The following PHACTR2 variants were observed in gnomAD, a reference collection of about 807,000 sequenced individuals.
PHACTR2 encodes phosphatase and actin regulator 2, also known as chromosome 6 open reading frame 56.
Under a neutral mutation model 76.0 loss-of-function variants are expected in PHACTR2, and 30 were observed. The ratio of observed to expected loss-of-function variants is 0.39; its 90% CI spans 0.30 to 0.54. The LOEUF (loss-of-function observed/expected upper bound fraction) is 0.54. Among genes scored for constraint, PHACTR2 ranks in the 20% least tolerant of loss-of-function variants. PHACTR2 has a pLI of 0.61. For missense variants in PHACTR2, 696 were observed against 781.1 expected (o/e 0.89, Z 1.30); for synonymous variants, 292 against 292.5 (o/e 1.00, Z 0.02).
rs1269164999 is a variant in PHACTR2 at position 143,656,364 on chromosome 6, T to C, written c.13+48042T>C. Among the ~76,000 whole-genome samples, 3 of 152,146 alleles carry C rather than the reference T, an allele frequency of 2.0e-5. No individual in the cohort carries two copies. Among genetic ancestry groups the C allele is most frequent in the Non-Finnish European group, 2.9e-5 (2 of 68,018 alleles). ...AATCTTTTGGCTTCCCTGGGCCACA[T>C]TGGAAGTAGAATTGTCTTGGGCCAC... is the stretch of plus-strand genomic sequence containing the variant. On this transcript the variant is annotated intron_variant, in intron 1 of 11. Coordinates refer to the PHACTR2 transcript ENST00000305766. This position sits in a 1 kb window ranked among gnomAD's most constrained non-coding sequence, Gnocchi z 5.3.
chr6:143,725,381 T>C lies in PHACTR2; in HGVS notation c.214+13198T>C, dbSNP rs561089641. Among the ~76,000 whole-genome samples, 1,329 of 150,842 alleles carry C rather than the reference T, an allele frequency of 8.8e-3. 27 individuals are homozygous for C. Among genetic ancestry groups the C allele is most frequent in the African/African-American group, 0.031 (1,257 of 41,146 alleles). ...ATACCCGGCTAATTTTTTGTATTTT[T>C]AGTAGAGACGGGGTTTCACCATGTT... is the stretch of plus-strand genomic sequence containing the variant. On this transcript the variant is annotated intron_variant, in intron 2 of 12. Coordinates refer to ENST00000440869, the MANE Select transcript of PHACTR2 (RefSeq NM_001100164.2).
chr6:143,572,599 T>G (rs941439788), intron 1 of PHACTR2, among the ~76,000 whole-genome samples: 2 of 152,178 alleles, frequency 1.3e-5, no homozygotes, highest in Non-Finnish European at 2.9e-5. Context: ...TTGCCCCAGG[T>G]TGGAGTGCAG....
chr6:143,553,624 G>A lies in PHACTR2; in HGVS notation c.217+16417G>A, dbSNP rs1775123874. ...AGTTAAGGTCATTCTAGAGATGCAG[G>A]CCTTGAGCTGTTAGAAACTGTATTC... is the stretch of plus-strand genomic sequence containing the variant. On this transcript the variant is annotated intron_variant, in intron 1 of 11. Transcript: ENST00000367584. This position sits in a 1 kb window ranked among gnomAD's most constrained non-coding sequence, Gnocchi z 4.2. Among the ~76,000 whole-genome samples, 1 of 152,194 alleles carries A rather than the reference G, an allele frequency of 6.6e-6. No homozygotes were observed. The highest frequency in any genetic ancestry group is 1.5e-5 in the Non-Finnish European group (1 of 68,046).
At position 143,765,514 on chromosome 6, in the gene PHACTR2, C is replaced by T. The variant is rs551843716; in HGVS notation, c.948C>T (p.Leu316=). The change falls in exon 6 of 13, where the codon CTC becomes CTT. Residue 316 remains leucine, a synonymous_variant. Coordinates refer to ENST00000440869, the MANE Select transcript of PHACTR2 (RefSeq NM_001100164.2). This position sits in a 1 kb window ranked among gnomAD's most constrained non-coding sequence, Gnocchi z 4.1. ...PAETRVESFK[L]EQTVPGAEEQ... ...AGACCAGAGTGGAGAGTTTCAAACT[C>T]GAACAGACTGTCCCTGGAGCTGAGG... The T allele has an allele frequency of 1.1e-5, 17 of 1,614,208 alleles. No individual in the cohort carries two copies. Among genetic ancestry groups the T allele is most frequent in the African/African-American group, 8.0e-5 (6 of 75,038 alleles).
rs1206121142 is a variant in PHACTR2 at position 143,580,212 on chromosome 6, G to T, written c.217+43005G>T. ...GAAGGGAGTCAACTTGGGGCCGGGC[G>T]CAGTGGCTCACTCCTGTAATCCCAG... On this transcript the variant is annotated intron_variant, in intron 1 of 11. Coordinates refer to the PHACTR2 transcript ENST00000367584. This position sits in a 1 kb window ranked among gnomAD's most constrained non-coding sequence, Gnocchi z 4.2. Among the ~76,000 whole-genome samples the T allele has an allele frequency of 6.6e-6, 1 of 152,156 alleles. No homozygotes were observed. Among genetic ancestry groups the T allele is most frequent in the Non-Finnish European group, 1.5e-5 (1 of 68,022 alleles).
At chr6:143,566,660 C>T (rs1461845243) in intron 1 of PHACTR2, among the ~76,000 whole-genome samples, 1 of 151,978 alleles carries the variant, frequency 6.6e-6, no homozygotes. Context: ...CTAATGATCC[C>T]TCATGCACAT....
At position 143,679,162 on chromosome 6, in the gene PHACTR2, T is replaced by A. The variant is rs149049698; in HGVS notation, c.46+953T>A. Among the ~76,000 whole-genome samples, 1 of 152,318 alleles carries A rather than the reference T, an allele frequency of 6.6e-6. No homozygotes were observed. Among genetic ancestry groups the A allele is most frequent in the African/African-American group, 2.4e-5 (1 of 41,562 alleles). On this transcript the variant is annotated intron_variant, in intron 1 of 12. Transcript: ENST00000440869. This position sits in a 1 kb window ranked among gnomAD's most constrained non-coding sequence, Gnocchi z 4.6. ...TGACAGGGTACAGAGGAAGGTTTTTTAATCTGCCTCAGGATGTCTAGCTAG... is the reference window on the plus strand; with the variant it reads ...TGACAGGGTACAGAGGAAGGTTTTTAAATCTGCCTCAGGATGTCTAGCTAG...
rs752736420 is a variant in PHACTR2, at chr6:143,765,393, A to G, written c.827A>G (p.Lys276Arg). 6.2e-7 allele frequency: 1 copy of G among 1,614,240 alleles called. No homozygotes were observed. The highest frequency in any genetic ancestry group is 1.1e-5 in the South Asian group (1 of 91,086). The change falls in exon 6 of 13, where the codon AAG becomes AGG. Residue 276 changes from lysine to arginine, a missense_variant. Physicochemically the swap from Lys to Arg is conservative, Grantham distance 26 (BLOSUM62 2). Around this residue, in one of 2 missense-constraint regions of PHACTR2, gnomAD observed 460 missense variants for 450.9 expected, o/e 1.02. Coordinates refer to ENST00000440869, the MANE Select transcript of PHACTR2 (RefSeq NM_001100164.2). The surrounding 1 kb of genome is among the most constrained non-coding windows in gnomAD (Gnocchi z 4.1). ...AAAGCAGGGACAGTGGGGACCACCA[A>G]GGGCAAGAGAAAAACTGACAAGCAG... Reference protein sequence around the residue: ...SSKAGTVGTTKGKRKTDKQPI... With the variant: ...SSKAGTVGTTRGKRKTDKQPI...
At position 143,678,657 on chromosome 6, in the gene PHACTR2, C is replaced by T. The variant is rs185425108; in HGVS notation, c.46+448C>T. ...TATGGTTTGTTATTCGGAGTAGAAGCGCTGATCGCCTTATCCTGGCAGACG... is the reference window on the plus strand; with the variant it reads ...TATGGTTTGTTATTCGGAGTAGAAGTGCTGATCGCCTTATCCTGGCAGACG... On this transcript the variant is annotated intron_variant, in intron 1 of 12. Coordinates refer to ENST00000440869, the MANE Select transcript of PHACTR2 (RefSeq NM_001100164.2). This position sits in a 1 kb window ranked among gnomAD's most constrained non-coding sequence, Gnocchi z 6.2. 2.0e-5 allele frequency among the ~76,000 whole-genome samples: 3 copies of T among 152,284 alleles called. No individual in the cohort carries two copies. The highest frequency in any genetic ancestry group is 2.9e-5 in the Non-Finnish European group (2 of 68,018).
At position 143,806,303 on chromosome 6, in the gene PHACTR2, C is replaced by G. The variant is rs1776063051; in HGVS notation, c.1846-754C>G. Among the ~76,000 whole-genome samples the G allele has an allele frequency of 6.6e-6, 1 of 152,128 alleles. No individual in the cohort carries two copies. The highest frequency in any genetic ancestry group is 1.5e-5 in the Non-Finnish European group (1 of 68,014). ...TCTATTTGATATTTTCTTTGGGTAG[C>G]TTTAAGGATTATGCTGAAATTATAA... On this transcript the variant is annotated intron_variant, in intron 11 of 12. Transcript: ENST00000440869. This position sits in a 1 kb window ranked among gnomAD's most constrained non-coding sequence, Gnocchi z 5.8.
At chr6:143,634,959 G>A (rs1276814701) in intron 1 of PHACTR2, among the ~76,000 whole-genome samples, 2 of 152,006 alleles carry the variant, frequency 1.3e-5, no homozygotes, top group Non-Finnish European at 2.9e-5. Context: ...TAGATAGCCT[G>A]AGGAACTGAA....
rs1349458746 is a variant in PHACTR2, at chr6:143,761,252, TG to T, written c.694+613del. Among the ~76,000 whole-genome samples, 1 of 152,184 alleles carries T rather than the reference TG, an allele frequency of 6.6e-6. No homozygotes were observed. Among genetic ancestry groups the T allele is most frequent in the Non-Finnish European group, 1.5e-5 (1 of 68,024 alleles). On this transcript the variant is annotated intron_variant, in intron 5 of 12. Transcript: ENST00000440869. This position sits in a 1 kb window ranked among gnomAD's most constrained non-coding sequence, Gnocchi z 5.2. Reference sequence around the variant, plus strand: ...GTGTTCCACACCTCCCCTGTAGACTTGTGTGTTCTAAGGCAAAACATCCTGG... The same window carrying T: ...GTGTTCCACACCTCCCCTGTAGACTTTGTGTTCTAAGGCAAAACATCCTGG...
intron 1 of PHACTR2, among the ~76,000 whole-genome samples, chr6:143,538,901 A>T (rs533930651): frequency 1.3e-5 from 2 of 152,222 alleles, no homozygotes; most frequent in Non-Finnish European, 2.9e-5. Flanking sequence ...TGTGAAAAGC[A>T]TTGAGTCCGA....
rs1582855112 is a variant in PHACTR2 at position 143,765,176 on chromosome 6, T to C, written c.695-85T>C. On this transcript the variant is annotated intron_variant, in intron 5 of 12. Transcript: ENST00000440869. This position sits in a 1 kb window ranked among gnomAD's most constrained non-coding sequence, Gnocchi z 4.1. The stretch of plus-strand genomic sequence containing the variant: ...CAAACTTTAAAGGGAACATTTTAAA[T>C]GTTGTTGACAGTTACACCTTGGTTA... The C allele has an allele frequency of 9.8e-7, 1 of 1,018,210 alleles. No individual in the cohort carries two copies. Among genetic ancestry groups the C allele is most frequent in the African/African-American group, 1.6e-5 (1 of 62,292 alleles). The allele number at this position is 1,018,210 out of a possible 1,614,324, so 63.1% of individuals were successfully genotyped here. A position where few individuals can be genotyped will look rare whatever the true frequency, so the allele number is the denominator to read the frequency against.
intron 1 of PHACTR2, among the ~76,000 whole-genome samples, chr6:143,669,550 G>A (rs1777106950): frequency 6.6e-6 from 1 of 152,086 alleles, no homozygotes; most frequent in South Asian, 2.1e-4. Context: ...ATAAATCAGG[G>A]TGCTCCTATA....
Position 143,617,114 on chromosome 6 carries a change from C to T in PHACTR2, c.13+8792C>T, listed in dbSNP as rs993486652. ...TGGAAGCTCCTAAGAATGAAATCCA[C>T]TTAGAAGGCTCTTGATGGAGGTGGT... On this transcript the variant is annotated intron_variant, in intron 1 of 11. Transcript: ENST00000305766. The surrounding 1 kb of genome is among the most constrained non-coding windows in gnomAD (Gnocchi z 4.8). Among the ~76,000 whole-genome samples, 4 of 152,170 alleles carry T rather than the reference C, an allele frequency of 2.6e-5. No homozygotes were observed. Among genetic ancestry groups the T allele is most frequent in the Admixed American group, 1.3e-4 (2 of 15,278 alleles).
At chr6:143,745,324 T>C (rs960998287) in intron 2 of PHACTR2, among the ~76,000 whole-genome samples, 2 of 152,162 alleles carry the variant, frequency 1.3e-5, no homozygotes, top group African/African-American at 2.4e-5. Context: ...TTGGGTTAGA[T>C]TGATGCGCAG....
At chr6:143,773,428 T>C (rs1775199334) in intron 7 of PHACTR2, among the ~76,000 whole-genome samples, 2 of 151,720 alleles carry the variant, frequency 1.3e-5, no homozygotes, top group African/African-American at 4.8e-5. Context: ...CTGGATAACA[T>C]GGGAGGGATT....
rs191657789 is a variant in PHACTR2, at chr6:143,790,369, C to A, written c.1845+1459C>A. ...AGGCGGAAAAGTCAGTAACTGATAG[C>A]GTGGGAAAAATCACTGGAGTAGCAG... is the stretch of plus-strand genomic sequence containing the variant. On this transcript the variant is annotated intron_variant, in intron 11 of 12. Transcript: ENST00000440869. Among the ~76,000 whole-genome samples the A allele has an allele frequency of 2.9e-4, 44 of 151,886 alleles. 1 individual carries two copies. Among genetic ancestry groups the A allele is most frequent in the Non-Finnish European group, 5.2e-4 (35 of 67,956 alleles).
Sources: gnomAD v4.1 joint callset for allele counts (sites outside exome capture counted in the v4.1 genomes callset) on GRCh38, gnomAD v4.1.1 for gene constraint, gnomAD v4.1.1 regional missense constraint, Gnocchi (gnomAD v3.1) non-coding constraint, MANE v1.5 for transcripts, NCBI Gene and HGNC (gene_info 2026-07-23, HGNC 2026-07-21) for gene names.